The following ADGRV1 variants were observed in gnomAD, a reference collection of about 807,000 sequenced individuals.
ADGRV1 encodes adhesion G protein-coupled receptor V1.
ADGRV1 carries 359 observed loss-of-function variants against 596.2 expected under a neutral mutation model. That is an observed-to-expected ratio of 0.60 (90% CI 0.55 to 0.66). The LOEUF is 0.66. ADGRV1 is among the 30% of genes least tolerant of loss of function. ADGRV1 has a pLI of 0.00. For synonymous variants in ADGRV1, 2,681 were observed against 2,679.2 expected (o/e 1.00, Z -0.02); for missense variants, 7,274 against 7,575.6 (o/e 0.96, Z 1.48).
intron 83 of ADGRV1, among the ~76,000 whole-genome samples, chr5:90,954,565 A>T (rs1422207982): frequency 6.6e-6 from 1 of 152,182 alleles, no homozygotes; most frequent in Non-Finnish European, 1.5e-5. Context: ...TGCTCAAATT[A>T]TGACTATGAT....
intron 60 of ADGRV1, 85 bp from the exon 61 acceptor site, chr5:90,776,368 T>C: frequency 8.0e-7 from 1 of 1,257,680 alleles, no homozygotes; most frequent in Non-Finnish European, 1.1e-6. Context: ...GATTCCTGTG[T>C]GTAAAGTGCT....
At chr5:90,724,294 A>G (rs1368228997) in intron 45 of ADGRV1, among the ~76,000 whole-genome samples, 1 of 151,996 alleles carries the variant, frequency 6.6e-6, no homozygotes, top group Non-Finnish European at 1.5e-5. Flanking sequence ...CAGTGGCACT[A>G]TCTCGGCTCA....
intron 83 of ADGRV1, among the ~76,000 whole-genome samples, chr5:90,913,703 G>A (rs974180906): frequency 2.6e-5 from 4 of 151,992 alleles, no homozygotes; most frequent in African/African-American, 9.7e-5. Context: ...TTTTAGAGTG[G>A]TTTTCTAAAT....
At chr5:91,092,017 A>C (rs534045458) in intron 86 of ADGRV1, among the ~76,000 whole-genome samples, 1 of 152,332 alleles carries the variant, frequency 6.6e-6, no homozygotes, top group African/African-American at 2.4e-5. Context: ...CCATCACATA[A>C]ATCATATAGT....
At chr5:90,568,290 C>T (rs1291933576) in intron 1 of ADGRV1, among the ~76,000 whole-genome samples, 1 of 151,872 alleles carries the variant, frequency 6.6e-6, no homozygotes, top group Non-Finnish European at 1.5e-5. Context: ...TTAGGTGCAT[C>T]CCATAAGTTT....
At position 91,031,175 on chromosome 5, in the gene ADGRV1, A is replaced by G. The variant is rs1784451536; in HGVS notation, c.18153-41272A>G. On this transcript the variant is annotated intron_variant, in intron 85 of 89. Transcript: ENST00000405460. ...ATTAGAAAAATAATTGTCCACAACC[A>G]AAAAGGCAAGAAGAGTAATCGAGAT... 4 of 1,468,502 alleles carry G rather than the reference A, an allele frequency of 2.7e-6. No homozygotes were observed. In the East Asian group the frequency reaches 9.1e-5, roughly 33 times the overall value. The allele number at this position is 1,468,502 out of a possible 1,614,324, so 91.0% of individuals were successfully genotyped here. A position where few individuals can be genotyped will look rare whatever the true frequency, so the allele number is the denominator to read the frequency against.
intron 82 of ADGRV1, among the ~76,000 whole-genome samples, chr5:90,863,539 C>G (rs1014535793): frequency 3.3e-5 from 5 of 152,156 alleles, no homozygotes; most frequent in African/African-American, 1.2e-4. Flanking sequence ...AAATCCTATT[C>G]ACATGCCTGA....
chr5:91,145,278 A>G (rs1795435827), intron 87 of ADGRV1, among the ~76,000 whole-genome samples: 1 of 152,258 alleles, frequency 6.6e-6, no homozygotes, highest in Admixed American at 6.5e-5. Context: ...CTAGATATAA[A>G]AACAAACAAG....
At chr5:90,586,376 A>G (rs576228873) in intron 1 of ADGRV1, among the ~76,000 whole-genome samples, 1 of 152,290 alleles carries the variant, frequency 6.6e-6, no homozygotes, top group South Asian at 2.1e-4. Flanking sequence ...TGTCTTGAAA[A>G]TGTCTTTTTA....
At chr5:90,954,392 A>G (rs2150921556) in intron 83 of ADGRV1, among the ~76,000 whole-genome samples, 1 of 152,264 alleles carries the variant, frequency 6.6e-6, no homozygotes, top group East Asian at 1.9e-4. Context: ...GAAAAGACAG[A>G]ACTGGTGAGT....
intron 87 of ADGRV1, among the ~76,000 whole-genome samples, chr5:91,117,261 A>G (rs370593155): frequency 6.6e-6 from 1 of 152,196 alleles, no homozygotes. Context: ...TTGAACCAAT[A>G]TCATAACACT....
chr5:91,082,890 A>G (rs1789527781), intron 86 of ADGRV1, among the ~76,000 whole-genome samples: 1 of 152,156 alleles, frequency 6.6e-6, no homozygotes, highest in Non-Finnish European at 1.5e-5. Flanking sequence ...AGTTACCTCT[A>G]ATTTATGATT....
At chr5:90,596,174 C>T (rs1201768810) in intron 1 of ADGRV1, among the ~76,000 whole-genome samples, 8 of 145,662 alleles carry the variant, frequency 5.5e-5, no homozygotes, top group African/African-American at 1.8e-4. Flanking sequence ...AGAGGCGCTC[C>T]CCACATCCCA....
intron 85 of ADGRV1, among the ~76,000 whole-genome samples, chr5:91,045,537 C>A (rs1053412895): frequency 5.9e-5 from 9 of 152,040 alleles, no homozygotes; most frequent in African/African-American, 2.2e-4. Flanking sequence ...AGGGACATAC[C>A]TCAAGGTAAT....
rs746208415 is a variant in ADGRV1 at position 90,643,969 on chromosome 5, A to T, written c.2720A>T (p.Asp907Val). 4 of 1,600,604 alleles carry T rather than the reference A, an allele frequency of 2.5e-6. No individual in the cohort carries two copies. In the South Asian group the frequency reaches 4.5e-5, roughly 18 times the overall value. Residue 907 changes from aspartate to valine, a missense_variant, in exon 14 of 90, where the codon GAT (aspartate) becomes GTT (valine). Transcript: ENST00000405460. ...LIVMINESKGDAIYSAVYDVV... is the reference protein window; with the variant it reads ...LIVMINESKGVAIYSAVYDVV... ...GTGATGATAAATGAAAGCAAAGGAG[A>T]TGCTATCTATAGTGGTAATTTATTC...
In ADGRV1 at chr5:90,653,236, T is replaced by C; in HGVS notation, c.3662T>C (p.Leu1221Pro). The change falls in exon 20 of 90, where the codon CTA becomes CCA. Residue 1221 changes from leucine (L) to proline (P), a missense_variant. By Grantham distance (98) the Leu-to-Pro change is moderately conservative. This residue lies in a region of ADGRV1 where 1,715 missense variants were observed against 1,708.8 expected (regional missense o/e 1.00). Transcript: ENST00000405460. ...SGGSPGPGGQLAETNLQVTVM... is the reference protein window; with the variant it reads ...SGGSPGPGGQPAETNLQVTVM... Reference sequence around the variant, plus strand: ...GGATCCCCAGGTCCTGGGGGCCAGCTAGCAGAAACCAACCTCCAGGTGACA... The same window carrying C: ...GGATCCCCAGGTCCTGGGGGCCAGCCAGCAGAAACCAACCTCCAGGTGACA... 2 of 1,612,258 alleles carry C rather than the reference T, an allele frequency of 1.2e-6. No homozygotes were observed. Among genetic ancestry groups the C allele is most frequent in the South Asian group, 1.1e-5 (1 of 90,928 alleles).
At chr5:90,808,632 C>T (rs561195131) in intron 73 of ADGRV1, among the ~76,000 whole-genome samples, 50 of 152,308 alleles carry the variant, frequency 3.3e-4, no homozygotes, top group African/African-American at 1.1e-3. Context: ...TGGCGGCTCA[C>T]GCCTGTAATC....
At chr5:90,889,127 G>A (rs1014499274) in intron 83 of ADGRV1, among the ~76,000 whole-genome samples, 5 of 152,036 alleles carry the variant, frequency 3.3e-5, no homozygotes, top group Non-Finnish European at 5.9e-5. Flanking sequence ...TTTTTCAAGA[G>A]CTAACATTAA....
At chr5:90,867,382 A>G (rs572189323) in intron 83 of ADGRV1, among the ~76,000 whole-genome samples, 3 of 152,294 alleles carry the variant, frequency 2.0e-5, no homozygotes, top group South Asian at 4.1e-4. Context: ...CCGCAAGACT[A>G]TAGCTTAGGG....
Sources: allele counts gnomAD v4.1 joint callset (sites outside exome capture counted in the v4.1 genomes callset), GRCh38; gene constraint gnomAD v4.1.1; regional missense constraint gnomAD v4.1.1; transcripts MANE v1.5; gene names NCBI Gene and HGNC (gene_info 2026-07-23, HGNC 2026-07-21).